Variants in PCDHA9 observed in about 807,000 individuals in gnomAD.
PCDHA9 encodes the protein protocadherin alpha 9, also known as protocadherin alpha-9.
A neutral mutation model predicts 62.0 loss-of-function variants in PCDHA9; 62 were observed. The ratio of observed to expected loss-of-function variants is 1.00; its 90% CI spans 0.81 to 1.23. The LOEUF (loss-of-function observed/expected upper bound fraction) is 1.23, where lower values mean the gene tolerates loss of function less well. Among genes scored for constraint, PCDHA9 ranks in the 50% most tolerant of loss-of-function variants. The probability of loss-of-function intolerance (pLI) is 0.00; values close to 1 mark genes in which losing one functional copy is unlikely to be tolerated. For synonymous variants in PCDHA9, 557 were observed against 567.6 expected (o/e 0.98, Z 0.27); for missense variants, 1,205 against 1,249.8 (o/e 0.96, Z 0.54).
chr5:140,904,328 C>T (rs1469107868), intron 1 of PCDHA9, among the ~76,000 whole-genome samples: 2 of 151,958 alleles, frequency 1.3e-5, no homozygotes, highest in South Asian at 2.1e-4. Flanking sequence ...ATAATGGTCT[C>T]CAGTTCCATC....
chr5:140,989,745 C>A (rs1554251059), intron 3 of PCDHA9, among the ~76,000 whole-genome samples: 2 of 152,154 alleles, frequency 1.3e-5, no homozygotes, highest in African/African-American at 4.8e-5. Context: ...ATTGCCTAAT[C>A]TGGAGAAACA....
At chr5:140,926,942 C>CT in intron 1 of PCDHA9, 1 of 1,585,854 alleles carries the variant, frequency 6.3e-7, no homozygotes, top group Non-Finnish European at 8.6e-7. Flanking sequence ...TCCTGCGGCG[C>CT]TGCAGCGGGA....
chr5:140,893,689 A>T (rs999117899), intron 1 of PCDHA9, among the ~76,000 whole-genome samples: 1 of 152,192 alleles, frequency 6.6e-6, no homozygotes, highest in Admixed American at 6.5e-5. Flanking sequence ...ATATCATCTC[A>T]TTCTATCCTA....
intron 1 of PCDHA9, among the ~76,000 whole-genome samples, chr5:140,965,456 G>A (rs2095902676): frequency 6.6e-6 from 1 of 151,710 alleles, no homozygotes; most frequent in Admixed American, 6.6e-5. Context: ...GTTATTGTAA[G>A]ATAAATCCCA....
intron 1 of PCDHA9, chr5:140,967,118 C>T: frequency 6.2e-7 from 1 of 1,612,940 alleles, no homozygotes; most frequent in Non-Finnish European, 8.5e-7. Context: ...GCCTCGCTGC[C>T]TGCTCAGCTT....
chr5:141,004,619 G>C (rs1004302739), intron 3 of PCDHA9, among the ~76,000 whole-genome samples: 9 of 152,136 alleles, frequency 5.9e-5, no homozygotes, highest in Non-Finnish European at 1.0e-4. Context: ...GCAGAGTCCT[G>C]GTTATGGTTG....
chr5:140,941,185 C>CTTT (rs782102770), intron 1 of PCDHA9, among the ~76,000 whole-genome samples: 77 of 102,238 alleles, frequency 7.5e-4, no homozygotes, highest in Admixed American at 3.0e-3. Flanking sequence ...CATCCTGCTT[C>CTTT]TTTTTTTTTC....
rs115890668 is a variant in PCDHA9 at position 140,925,958 on chromosome 5, A to G, written c.2395-52991A>G. Among the ~76,000 whole-genome samples, 1,223 of 152,250 alleles carry G rather than the reference A, an allele frequency of 8.0e-3. 5 individuals carry two copies. The highest frequency in any genetic ancestry group is 0.019 in the African/African-American group (788 of 41,548). On this transcript the variant is annotated intron_variant, in intron 1 of 3. Coordinates refer to ENST00000532602, the MANE Select transcript of PCDHA9 (RefSeq NM_031857.2). ...GCCTCTTGGAGAAGGAGAAACTGCT[A>G]TCACGCAAAAAAAAAGCCTTGAGCT... is the stretch of plus-strand genomic sequence containing the variant.
chr5:140,877,698 C>T, intron 1 of PCDHA9: 2 of 1,613,958 alleles, frequency 1.2e-6, no homozygotes, highest in Non-Finnish European at 1.7e-6. Context: ...TGGTGTGCTC[C>T]AGCGCCGTGG....
intron 1 of PCDHA9, chr5:140,871,365 G>A: frequency 6.2e-7 from 1 of 1,614,218 alleles, no homozygotes; most frequent in Non-Finnish European, 8.5e-7. Context: ...AGCAGAGGCG[G>A]CAGAGGGTGT....
At chr5:140,871,062 C>T (rs1434880600) in intron 1 of PCDHA9, 2 of 1,613,102 alleles carry the variant, frequency 1.2e-6, no homozygotes, top group African/African-American at 2.7e-5. Context: ...TGAAGGATCA[C>T]GGTGAGCCGG....
intron 1 of PCDHA9, among the ~76,000 whole-genome samples, chr5:140,922,354 A>G (rs1208856231): frequency 6.6e-6 from 1 of 152,220 alleles, no homozygotes; most frequent in Non-Finnish European, 1.5e-5. Flanking sequence ...TTTCTAGAGT[A>G]GTGATTCTCA....
At chr5:140,854,785 T>A (rs998570267) in intron 1 of PCDHA9, 1 of 149,624 alleles carries the variant, frequency 6.7e-6, no homozygotes, top group Non-Finnish European at 1.5e-5. Flanking sequence ...TTTCAAGAAC[T>A]TTGAGAGAGA....
At chr5:140,973,354 T>A (rs937415600) in intron 1 of PCDHA9, among the ~76,000 whole-genome samples, 4 of 152,202 alleles carry the variant, frequency 2.6e-5, no homozygotes, top group Non-Finnish European at 5.9e-5. Flanking sequence ...AGTAGTGAAT[T>A]TATAAAAATT....
At chr5:140,875,828 T>G (rs1259125673) in intron 1 of PCDHA9, 10 of 1,614,196 alleles carry the variant, frequency 6.2e-6, no homozygotes, top group Middle Eastern at 1.6e-4. Context: ...GTTTTCCATG[T>G]GGACGTGGAG....
In PCDHA9 at chr5:140,849,906, G is replaced by A; in HGVS notation, c.1411G>A (p.Gly471Ser). The change falls in exon 1 of 4, where the codon GGC becomes AGC. Residue 471 changes from glycine (G) to serine (S), a missense_variant. By Grantham distance (56) the Gly-to-Ser change is moderately conservative. This residue lies in a region of PCDHA9 where 887 missense variants were observed against 809.5 expected (regional missense o/e 1.10). Transcript: ENST00000532602. The part of the protein sequence containing the change: ...TVFVKENNPP[G>S]CHIFTVSARD... ...GTTCGTGAAGGAGAACAACCCGCCG[G>A]GCTGCCACATCTTCACGGTGTCTGC... 1 of 1,598,336 alleles carries A rather than the reference G, an allele frequency of 6.3e-7. No homozygotes were observed. The highest frequency in any genetic ancestry group is 8.6e-7 in the Non-Finnish European group (1 of 1,167,800).
chr5:140,848,527 G>T lies in PCDHA9; in HGVS notation c.32G>T (p.Gly11Val), dbSNP rs1379026024. The T allele has an allele frequency of 1.3e-6, 2 of 1,594,382 alleles. 1 individual carries two copies. Among genetic ancestry groups the T allele is most frequent in the Non-Finnish European group, 1.7e-6 (2 of 1,164,866 alleles). Residue 11 changes from glycine to valine, a missense_variant, in exon 1 of 4, where the codon GGT (glycine) becomes GTT (valine). Transcript: ENST00000532602. ...TACTCAAGTCGAGGAGATCCAGAGG[G>T]TCAGCCTCTACTGCTCTCGCTTCTG... MLYSSRGDPE[G>V]QPLLLSLLIL...
chr5:140,856,786 T>C (rs1304575446), intron 1 of PCDHA9: 4 of 1,596,308 alleles, frequency 2.5e-6, no homozygotes, highest in East Asian at 4.5e-5. Context: ...GACCGGTTTA[T>C]GAAGTTAAGA....
In PCDHA9 at chr5:140,850,654, T is replaced by G; in HGVS notation, c.2159T>G (p.Val720Gly). The part of the protein sequence containing the change: ...LLVLTLLLYT[V>G]LRCSAMPTEG... The stretch of plus-strand genomic sequence containing the variant: ...GTTCTCACGCTGCTGCTGTACACTG[T>G]GCTGCGGTGCTCGGCGATGCCCACC... The change falls in exon 1 of 4, where the codon GTG (valine) becomes GGG (glycine). Residue 720 changes from valine to glycine, a missense_variant. Physicochemically the swap from Val to Gly is moderately radical, Grantham distance 109. Around this residue, in one of 3 missense-constraint regions of PCDHA9, gnomAD observed 887 missense variants for 809.5 expected, o/e 1.10. Coordinates refer to ENST00000532602, the MANE Select transcript of PCDHA9 (RefSeq NM_031857.2). 6.3e-7 allele frequency: 1 copy of G among 1,598,638 alleles called. No individual in the cohort carries two copies. The highest frequency in any genetic ancestry group is 8.6e-7 in the Non-Finnish European group (1 of 1,167,896).
Sources: allele counts gnomAD v4.1 joint callset (sites outside exome capture counted in the v4.1 genomes callset), GRCh38; gene constraint gnomAD v4.1.1; regional missense constraint gnomAD v4.1.1; transcripts MANE v1.5; gene names NCBI Gene and HGNC (gene_info 2026-07-23, HGNC 2026-07-21).